WDR90: variants seen among roughly 807,000 people sequenced by gnomAD.
The protein encoded by WDR90 is WD repeat-containing protein 90.
A neutral mutation model predicts 195.2 loss-of-function variants in WDR90; 238 were observed. That is an observed-to-expected ratio of 1.22 (90% CI 1.10 to 1.36). The LOEUF is 1.36. WDR90 is among the 40% of genes most tolerant of loss of function. WDR90 has a pLI of 0.00. For synonymous variants in WDR90, 1,265 were observed against 1,052.4 expected (o/e 1.20, Z -3.91); for missense variants, 2,734 against 2,439.5 (o/e 1.12, Z -2.54).
intron 34 of WDR90, among the ~76,000 whole-genome samples, chr16:664,156 G>A (rs535366868): frequency 7.4e-5 from 9 of 121,814 alleles, no homozygotes; most frequent in African/African-American, 3.7e-4. Context: ...GGTGGCTTTT[G>A]GCATATTCAG....
intron 34 of WDR90, among the ~76,000 whole-genome samples, chr16:663,798 G>A (rs1440369288): frequency 6.6e-6 from 1 of 152,238 alleles, no homozygotes; most frequent in Non-Finnish European, 1.5e-5. Flanking sequence ...AGGAGAGGTG[G>A]CCTCCTGGGC....
chr16:660,525 T>C (rs980672170), intron 27 of WDR90, 87 bp from the exon 28 acceptor site: 2 of 1,373,290 alleles, frequency 1.5e-6, no homozygotes, highest in Non-Finnish European at 2.0e-6. Flanking sequence ...GGCCTGGGTG[T>C]GCCCCAACAC....
At chr16:666,401 C>T in intron 37 of WDR90, 51 bp downstream of exon 37, 1 of 1,609,464 alleles carries the variant, frequency 6.2e-7, no homozygotes, top group Non-Finnish European at 8.5e-7. Flanking sequence ...CTGGTGGGGG[C>T]AGGCACCATC....
chr16:664,565 C>T (rs575334307), intron 34 of WDR90, among the ~76,000 whole-genome samples: 2 of 152,266 alleles, frequency 1.3e-5, no homozygotes, highest in South Asian at 2.1e-4. Context: ...TCTGCCTGGG[C>T]GGTTCTGCCT....
rs754757461 is a variant in WDR90, at chr16:661,601, C to G, written c.3678C>G (p.Asp1226Glu). ...PDDRLLVTLG[D>E]HDGRTLALWG... The stretch of plus-strand genomic sequence containing the variant: ...GCTGCTCTGTGTCCTTCCCAGGGGA[C>G]CACGATGGCCGCACCCTCGCCCTGT... The change falls in exon 31 of 41, where the codon GAC (aspartate) becomes GAG (glutamate). Residue 1226 changes from aspartate to glutamate, a missense_variant. Physicochemically the swap from Asp to Glu is conservative, Grantham distance 45. Coordinates refer to ENST00000293879, the MANE Select transcript of WDR90 (RefSeq NM_145294.5). The G allele has an allele frequency of 1.9e-6, 3 of 1,587,970 alleles. No individual in the cohort carries two copies. Among genetic ancestry groups the G allele is most frequent in the Middle Eastern group, 1.7e-4 (1 of 5,952 alleles).
rs562702395 is a variant in WDR90 at position 659,888 on chromosome 16, C to T, written c.3185-170C>T. Among the ~76,000 whole-genome samples, 241 of 152,316 alleles carry T rather than the reference C, an allele frequency of 1.6e-3. 1 individual carries two copies. The highest frequency in any genetic ancestry group is 2.2e-3 in the Non-Finnish European group (152 of 68,020). ...AGTCCCCCGTGTGACGAGGCAAGGT[C>T]ACCTGCAGTGGGACACGGTTTGCCT... is the stretch of plus-strand genomic sequence containing the variant. On this transcript the variant is annotated intron_variant, in intron 26 of 40. Transcript: ENST00000293879.
intron 23 of WDR90, 45 bp from the exon 24 acceptor site, chr16:658,851 C>T (rs2037820880): frequency 1.2e-6 from 2 of 1,602,692 alleles, no homozygotes; most frequent in Non-Finnish European, 1.7e-6. Context: ...ACGGCAGCAT[C>T]CATGCCCCGC....
At chr16:660,497 T>C in intron 27 of WDR90, 115 bp from the exon 28 acceptor site, 2 of 1,079,934 alleles carry the variant, frequency 1.9e-6, no homozygotes, top group Non-Finnish European at 2.7e-6. Flanking sequence ...CGTCTGCCCC[T>C]GGGTGTCCTC....
Position 666,811 on chromosome 16 carries a change from G to A in WDR90, c.5004+19G>A, listed in dbSNP as rs553048794. Reference sequence around the variant, plus strand: ...GAAGCAGGTACACGCAGCTGCCCGCGTGTCACTGGGAGCCCCAGGGATCCA... The same window carrying A: ...GAAGCAGGTACACGCAGCTGCCCGCATGTCACTGGGAGCCCCAGGGATCCA... On this transcript the variant is annotated intron_variant, in intron 39 of 40. Coordinates refer to ENST00000293879, the MANE Select transcript of WDR90 (RefSeq NM_145294.5). 9.7e-5 allele frequency: 156 copies of A among 1,612,660 alleles called. 1 individual carries two copies. In the Middle Eastern group the frequency reaches 1.5e-3, roughly 15 times the overall value.
rs573478230 is a variant in WDR90 at position 660,124 on chromosome 16, C to T, written c.3251C>T (p.Thr1084Met). Residue 1084 changes from threonine (T) to methionine (M), a missense_variant, in exon 27 of 41, where the codon ACG (threonine) becomes ATG (methionine). Physicochemically the swap from Thr to Met is moderately conservative, Grantham distance 81. Transcript: ENST00000293879. ...TACCTGGCTTCCTGCAAGGCCTTCA[C>T]GCCTGCCAGGGTCAGCTGCAGCCCC... ...TTYLASCKAF[T>M]PARVSCSPHS... is the part of the protein sequence containing the mutation. The T allele has an allele frequency of 1.4e-5, 22 of 1,542,234 alleles. No individual in the cohort carries two copies. The highest frequency in any genetic ancestry group is 1.1e-4 in the African/African-American group (8 of 73,128).
At chr16:652,959 C>T (rs2037675372) in intron 10 of WDR90, among the ~76,000 whole-genome samples, 2 of 152,228 alleles carry the variant, frequency 1.3e-5, no homozygotes, top group Admixed American at 1.3e-4. Context: ...TTCCCCTCTG[C>T]CTCAGTGGCC....
Position 666,274 on chromosome 16 carries a change from G to T in WDR90, c.4664G>T (p.Cys1555Phe). 1 of 1,612,692 alleles carries T rather than the reference G, an allele frequency of 6.2e-7. No individual in the cohort carries two copies. The highest frequency in any genetic ancestry group is 1.3e-5 in the African/African-American group (1 of 75,038). ...GGGCTCGTGGCTGTGAGCCACCCCT[G>T]CACAGGGACAACCTTCCGTGTGCTG... is the stretch of plus-strand genomic sequence containing the variant. ...KDGLVAVSHP[C>F]TGTTFRVLSD... Residue 1555 changes from cysteine to phenylalanine, a missense_variant, in exon 37 of 41, where the codon TGC (cysteine) becomes TTC (phenylalanine). Cys to Phe is a radical substitution (Grantham distance 205, BLOSUM62 -2). Transcript: ENST00000293879.
At chr16:650,801 T>C in intron 5 of WDR90, 92 bp downstream of exon 5, 1 of 1,527,352 alleles carries the variant, frequency 6.5e-7, no homozygotes, top group Non-Finnish European at 8.9e-7. Context: ...GAAAATACAG[T>C]GCTCGAGCTG....
rs1040710849 is a variant in WDR90, at chr16:661,630, G to A, written c.3707G>A (p.Gly1236Asp). ...GATGGCCGCACCCTCGCCCTGTGGG[G>A]CACGGCCACCTATGACCTCGTGTCC... ...DHDGRTLALWGTATYDLVSST... is the reference protein window; with the variant it reads ...DHDGRTLALWDTATYDLVSST... Residue 1236 changes from glycine to aspartate, a missense_variant, in exon 31 of 41, where the codon GGC (glycine) becomes GAC (aspartate). By Grantham distance (94) the Gly-to-Asp change is moderately conservative. Coordinates refer to ENST00000293879, the MANE Select transcript of WDR90 (RefSeq NM_145294.5). The A allele has an allele frequency of 4.0e-5, 64 of 1,602,572 alleles. No individual in the cohort carries two copies. Among genetic ancestry groups the A allele is most frequent in the Non-Finnish European group, 4.8e-5 (56 of 1,174,438 alleles).
At chr16:667,192 G>A (rs1351718056) in intron 40 of WDR90, among the ~76,000 whole-genome samples, 1 of 152,202 alleles carries the variant, frequency 6.6e-6, no homozygotes, top group Non-Finnish European at 1.5e-5. Context: ...CCAGCACAGG[G>A]CCTGAATGCA....
Position 667,778 on chromosome 16 carries a change from C to T in WDR90, c.*189C>T, listed in dbSNP as rs879632688. 6 of 767,754 alleles carry T rather than the reference C, an allele frequency of 7.8e-6. No homozygotes were observed. The Admixed American group carries it at 8.7e-5, about 11-fold the overall frequency. 47.6% of individuals were successfully genotyped at this position (767,754 alleles called of 1,614,324 possible). A position where few individuals can be genotyped will look rare whatever the true frequency, so the allele number is the denominator to read the frequency against. ...TACTTTCATACCTGTTGCCCTTTTG[C>T]CTAAGAAATCTTTAATGTTTCTATC... On this transcript the variant is annotated 3_prime_UTR_variant, in exon 41 of 41. Coordinates refer to ENST00000293879, the MANE Select transcript of WDR90 (RefSeq NM_145294.5).
chr16:667,106 G>A (rs1359072588), intron 40 of WDR90, 117 bp downstream of exon 40: 1 of 1,134,320 alleles, frequency 8.8e-7, no homozygotes, highest in Non-Finnish European at 1.3e-6. Flanking sequence ...TCTCTGGGGT[G>A]GGGTGAGGAC....
In WDR90 at chr16:661,508, G is replaced by GGGA. The variant is rs2037913137; in HGVS notation, c.3673+10_3673+12dup. ...AGGCTTCTTGTCACACTGGGTCAGTGGGAGGGAGGGTGGAGGCCAGGGGCT... is the reference window on the plus strand; with the variant it reads ...AGGCTTCTTGTCACACTGGGTCAGTGGGAGGAGGGAGGGTGGAGGCCAGGGGCT... On this transcript the variant is annotated splice_region_variant and intron_variant, in intron 30 of 40. Transcript: ENST00000293879. The GGGA allele has an allele frequency of 6.3e-7, 1 of 1,596,642 alleles. No homozygotes were observed. Among genetic ancestry groups the GGGA allele is most frequent in the Non-Finnish European group, 8.6e-7 (1 of 1,169,566 alleles).
rs760908619 is a variant in WDR90 at position 661,552 on chromosome 16, G to T, written c.3674-45G>T. The T allele has an allele frequency of 1.3e-5, 21 of 1,579,752 alleles. 1 individual carries two copies. The highest frequency in any genetic ancestry group is 9.2e-5 in the South Asian group (8 of 87,366). On this transcript the variant is annotated intron_variant, in intron 30 of 40. Coordinates refer to ENST00000293879, the MANE Select transcript of WDR90 (RefSeq NM_145294.5). Reference sequence around the variant, plus strand: ...AGGGGCTTCCCTAGACCCCGGGGGGGGCTGCATCTGTGCACCTGACGTGGC... The same window carrying T: ...AGGGGCTTCCCTAGACCCCGGGGGGTGCTGCATCTGTGCACCTGACGTGGC...
Sources: allele counts gnomAD v4.1 joint callset (sites outside exome capture counted in the v4.1 genomes callset), GRCh38; gene constraint gnomAD v4.1.1; transcripts MANE v1.5; gene names NCBI Gene and HGNC (gene_info 2026-07-23, HGNC 2026-07-21).